The following METTL8 variants were observed in gnomAD, a reference collection of about 807,000 sequenced individuals.
METTL8 encodes tRNA N(3)-cytidine methyltransferase METTL8, mitochondrial.
Under a neutral mutation model 48.7 loss-of-function variants are expected in METTL8, and 32 were observed. The ratio of observed to expected loss-of-function variants is 0.66; its 90% CI spans 0.50 to 0.88. METTL8 has a LOEUF of 0.88. Among genes scored for constraint, METTL8 ranks in the 40% least tolerant of loss-of-function variants. The probability of loss-of-function intolerance (pLI) is 0.00; values close to 1 mark genes in which losing one functional copy is unlikely to be tolerated. For missense variants in METTL8, 464 were observed against 474.4 expected, an observed-to-expected ratio of 0.98 and a Z score of 0.20; for synonymous variants, 136 against 157.1, an observed-to-expected ratio of 0.87 and a Z score of 1.01.
Position 171,320,650 on chromosome 2 carries a change from T to C in METTL8, c.*3522A>G, listed in dbSNP as rs1256868001. On this transcript the variant is annotated 3_prime_UTR_variant, in exon 10 of 10. Transcript: ENST00000375258. The stretch of plus-strand genomic sequence containing the variant: ...TACTTTCATGACTAGTTTGGCTTTT[T>C]AATGTACACTTTAATTATGAAATAC... The C allele has an allele frequency of 6.6e-6, 1 of 152,258 alleles. No individual in the cohort carries two copies. The highest frequency in any genetic ancestry group is 2.4e-5 in the African/African-American group (1 of 41,476). The allele number at this position is 152,258 out of a possible 1,614,324, so 9.4% of individuals were successfully genotyped here.
chr2:171,346,323 G>A (rs781535115), intron 3 of METTL8, among the ~76,000 whole-genome samples: 3 of 152,150 alleles, frequency 2.0e-5, no homozygotes, highest in Non-Finnish European at 4.4e-5. Context: ...CACCACATCC[G>A]GTCCCAGATG....
chr2:171,400,698 C>G (rs1010008059), intron 1 of METTL8, among the ~76,000 whole-genome samples: 9 of 152,116 alleles, frequency 5.9e-5, no homozygotes, highest in African/African-American at 2.2e-4. Context: ...GTCTTTTCAC[C>G]GGTTTGCTTC....
At chr2:171,373,936 T>A (rs1377429862) in intron 2 of METTL8, among the ~76,000 whole-genome samples, 1 of 152,244 alleles carries the variant, frequency 6.6e-6, no homozygotes, top group African/African-American at 2.4e-5. Context: ...TTTGTTCTTT[T>A]GGCTTAGGAT....
chr2:171,432,583 T>A (rs1170796082), intron 1 of METTL8, among the ~76,000 whole-genome samples: 1 of 152,246 alleles, frequency 6.6e-6, no homozygotes, highest in African/African-American at 2.4e-5. Flanking sequence ...GCTGCATTCA[T>A]GAATTACCAA....
Position 171,319,211 on chromosome 2 carries a change from C to T in METTL8, c.*4961G>A, listed in dbSNP as rs1684406911. 1 of 152,138 alleles carries T rather than the reference C, an allele frequency of 6.6e-6. No homozygotes were observed. The highest frequency in any genetic ancestry group is 2.4e-5 in the African/African-American group (1 of 41,414). The allele number at this position is 152,138 out of a possible 1,614,324, so 9.4% of individuals were successfully genotyped here. On this transcript the variant is annotated 3_prime_UTR_variant, in exon 10 of 10. Coordinates refer to ENST00000375258, the MANE Select transcript of METTL8 (RefSeq NM_001321154.2). ...CTTGTAGATTAATAACAATACCTCACATATATTTAATGCTCTAGAATTGAC... is the reference window on the plus strand; with the variant it reads ...CTTGTAGATTAATAACAATACCTCATATATATTTAATGCTCTAGAATTGAC...
intron 9 of METTL8, 96 bp from the exon 10 acceptor site, chr2:171,324,458 T>G: frequency 9.2e-7 from 1 of 1,088,430 alleles, no homozygotes; most frequent in Admixed American, 2.7e-5. Flanking sequence ...CCATCTAAAT[T>G]TCATTTATAC....
At chr2:171,383,521 A>G (rs1338606656) in intron 2 of METTL8, among the ~76,000 whole-genome samples, 1 of 152,188 alleles carries the variant, frequency 6.6e-6, no homozygotes, top group Non-Finnish European at 1.5e-5. Flanking sequence ...ATATATGTGT[A>G]TATGTTATGT....
intron 1 of METTL8, among the ~76,000 whole-genome samples, chr2:171,407,657 C>A (rs940685255): frequency 3.3e-4 from 51 of 152,278 alleles, no homozygotes; most frequent in African/African-American, 1.2e-3. Context: ...AGGAACAGTC[C>A]CCCACTGGAC....
chr2:171,356,917 A>G (rs1684604101), intron 3 of METTL8, among the ~76,000 whole-genome samples: 1 of 147,828 alleles, frequency 6.8e-6, no homozygotes, highest in Admixed American at 6.8e-5. Context: ...TAAGTTGGAA[A>G]GGAAGAAGTC....
intron 3 of METTL8, among the ~76,000 whole-genome samples, chr2:171,341,858 C>CACAT (rs1445355245): frequency 1.3e-5 from 2 of 151,918 alleles, no homozygotes. Flanking sequence ...CACACACACA[C>CACAT]ACACACACAC....
chr2:171,384,666 C>CA (rs1299004453), intron 2 of METTL8, among the ~76,000 whole-genome samples: 113 of 150,748 alleles, frequency 7.5e-4, no homozygotes, highest in Non-Finnish European at 4.0e-4. Context: ...CCCACCTCTA[C>CA]AAAAAAAATA....
chr2:171,352,961 T>C (rs1275460620), intron 3 of METTL8, among the ~76,000 whole-genome samples: 3 of 152,230 alleles, frequency 2.0e-5, no homozygotes, highest in Admixed American at 2.0e-4. Flanking sequence ...TTTGTGTCTC[T>C]ATCTCCTTCA....
At chr2:171,325,121 C>CAAAAAA (rs3835041) in intron 9 of METTL8, among the ~76,000 whole-genome samples, 2 of 76,048 alleles carry the variant, frequency 2.6e-5, no homozygotes, top group Non-Finnish European at 4.8e-5. Context: ...GACTCTGTCT[C>CAAAAAA]AAAAAAAAAA....
At position 171,323,345 on chromosome 2, in the gene METTL8, C is replaced by T. The variant is rs1417879981; in HGVS notation, c.*827G>A. 1 of 151,868 alleles carries T rather than the reference C, an allele frequency of 6.6e-6. No individual in the cohort carries two copies. The highest frequency in any genetic ancestry group is 1.5e-5 in the Non-Finnish European group (1 of 68,306). The allele number at this position is 151,868 out of a possible 1,614,324, so 9.4% of individuals were successfully genotyped here. On this transcript the variant is annotated 3_prime_UTR_variant, in exon 10 of 10. Transcript: ENST00000375258. The stretch of plus-strand genomic sequence containing the variant: ...GCCTCCGAGGCTCAAGCGATCCTCC[C>T]ACCTCAGTCTCCTGAGTAGCTGGGA...
chr2:171,397,553 CA>C (rs34936693), intron 1 of METTL8, among the ~76,000 whole-genome samples: 14,772 of 52,196 alleles, frequency 0.28, 556 homozygotes, highest in Middle Eastern at 0.33. Flanking sequence ...AACCCTGCCT[CA>C]AAAAAAAAAA....
At chr2:171,412,193 C>A (rs1264898745) in intron 1 of METTL8, among the ~76,000 whole-genome samples, 4 of 152,202 alleles carry the variant, frequency 2.6e-5, no homozygotes, top group Non-Finnish European at 5.9e-5. Flanking sequence ...CATCGAGGAT[C>A]CAGGTTCCTG....
At chr2:171,432,662 A>C (rs2105694533) in intron 1 of METTL8, among the ~76,000 whole-genome samples, 1 of 152,344 alleles carries the variant, frequency 6.6e-6, no homozygotes, top group East Asian at 1.9e-4. Context: ...AAGTCATGAA[A>C]AATCAGCAAA....
chr2:171,333,077 G>C lies in METTL8; in HGVS notation c.657-1210C>G, dbSNP rs550735819. 1.2e-4 allele frequency among the ~76,000 whole-genome samples: 18 copies of C among 144,958 alleles called. No individual in the cohort carries two copies. The South Asian group carries it at 4.1e-3, about 33-fold the overall frequency. On this transcript the variant is annotated intron_variant, in intron 5 of 9. Coordinates refer to ENST00000375258, the MANE Select transcript of METTL8 (RefSeq NM_001321154.2). Reference sequence around the variant, plus strand: ...TTAGCAAAATCTGACCCAGGTGCAGGTTATACTCTTTTTTTTTCTTTTCTT... The same window carrying C: ...TTAGCAAAATCTGACCCAGGTGCAGCTTATACTCTTTTTTTTTCTTTTCTT...
intron 5 of METTL8, 43 bp from the exon 6 acceptor site, chr2:171,331,910 G>C (rs967999410): frequency 4.1e-6 from 6 of 1,451,926 alleles, no homozygotes; most frequent in Non-Finnish European, 5.7e-6. Flanking sequence ...TTTGGAGACA[G>C]GGTCTTGCGC....
Sources: gnomAD v4.1 joint callset for allele counts (sites outside exome capture counted in the v4.1 genomes callset) on GRCh38, gnomAD v4.1.1 for gene constraint, MANE v1.5 for transcripts, NCBI Gene and HGNC (gene_info 2026-07-23, HGNC 2026-07-21) for gene names.